Variants in DTNA observed in about 807,000 individuals in gnomAD.
DTNA encodes dystrophin-related protein 3.
DTNA carries 43 observed loss-of-function variants against 100.7 expected under a neutral mutation model. The ratio of observed to expected loss-of-function variants is 0.43; its 90% CI spans 0.33 to 0.55. The LOEUF (loss-of-function observed/expected upper bound fraction) is 0.55. DTNA is among the 20% of genes least tolerant of loss of function. The pLI is 0.04. For synonymous variants in DTNA, 349 were observed against 347.9 expected, an observed-to-expected ratio of 1.00 and a Z score of -0.04; for missense variants, 798 against 953.9, an observed-to-expected ratio of 0.84 and a Z score of 2.15.
At chr18:34,817,038 T>G (rs1223515250) in intron 7 of DTNA, among the ~76,000 whole-genome samples, 1 of 152,210 alleles carries the variant, frequency 6.6e-6, no homozygotes, top group Non-Finnish European at 1.5e-5. Context: ...CACGTTACTG[T>G]TTACAGTTCT....
At chr18:34,524,767 A>G (rs964681551) in intron 1 of DTNA, among the ~76,000 whole-genome samples, 4 of 152,108 alleles carry the variant, frequency 2.6e-5, no homozygotes, top group African/African-American at 9.7e-5. Flanking sequence ...TTTTTTAAAA[A>G]AAAGGTTTAT....
chr18:34,830,272 C>T (rs960218068), intron 11 of DTNA, among the ~76,000 whole-genome samples: 7 of 151,952 alleles, frequency 4.6e-5, no homozygotes, highest in African/African-American at 1.5e-4. Context: ...AGGGCAGCAC[C>T]GAGAAAGTAG....
Position 34,818,208 on chromosome 18 carries a change from A to T in DTNA, c.754A>T (p.Met252Leu). The T allele has an allele frequency of 6.2e-7, 1 of 1,613,990 alleles. No individual in the cohort carries two copies. The highest frequency in any genetic ancestry group is 8.5e-7 in the Non-Finnish European group (1 of 1,179,950). The change falls in exon 8 of 23, where the codon ATG becomes TTG. Residue 252 changes from methionine (M) to leucine (L), a missense_variant. Coordinates refer to ENST00000444659, the MANE Select transcript of DTNA (RefSeq NM_001386795.1). ...ECSYCHSESM[M>L]GFRYRCQQCH... is the part of the protein sequence containing the mutation. ...TTCCTACTGCCACAGTGAGAGTATGATGGGATTTCGCTACCGATGCCAACA... is the reference window on the plus strand; with the variant it reads ...TTCCTACTGCCACAGTGAGAGTATGTTGGGATTTCGCTACCGATGCCAACA...
intron 1 of DTNA, among the ~76,000 whole-genome samples, chr18:34,569,250 AG>A (rs1460992723): frequency 6.6e-6 from 1 of 152,202 alleles, no homozygotes; most frequent in African/African-American, 2.4e-5. Context: ...GGAAAGGAGG[AG>A]AGGTTGCAGA....
At chr18:34,686,005 C>A (rs2078843742) in intron 1 of DTNA, among the ~76,000 whole-genome samples, 1 of 152,150 alleles carries the variant, frequency 6.6e-6, no homozygotes, top group African/African-American at 2.4e-5. Context: ...TGACACTTTG[C>A]TGAATTTGCT....
intron 1 of DTNA, among the ~76,000 whole-genome samples, chr18:34,572,482 A>G (rs1354862241): frequency 6.6e-6 from 1 of 152,186 alleles, no homozygotes; most frequent in African/African-American, 2.4e-5. Flanking sequence ...TATTATTATC[A>G]TCTTTTTGCA....
chr18:34,766,136 T>G, intron 3 of DTNA, 95 bp downstream of exon 3: 2 of 1,320,804 alleles, frequency 1.5e-6, no homozygotes, highest in Non-Finnish European at 2.1e-6. Context: ...TTACAAATAT[T>G]GCTAATATTG....
chr18:34,496,481 T>G (rs930894910), intron 1 of DTNA, among the ~76,000 whole-genome samples: 8 of 152,228 alleles, frequency 5.3e-5, no homozygotes, highest in Non-Finnish European at 2.9e-5. Context: ...TAGAGACAGC[T>G]TGCTACTTTT....
intron 1 of DTNA, among the ~76,000 whole-genome samples, chr18:34,699,116 TCAGGGTTGTC>T (rs1443733744): frequency 6.6e-6 from 1 of 151,666 alleles, no homozygotes; most frequent in Non-Finnish European, 1.5e-5. Context: ...CTTGTATTAG[TCAGGGTTGTC>T]CAGAGAAACA....
chr18:34,832,098 T>G (rs1032592852), intron 11 of DTNA, among the ~76,000 whole-genome samples: 1 of 152,158 alleles, frequency 6.6e-6, no homozygotes, highest in African/African-American at 2.4e-5. Flanking sequence ...AAAATAAATT[T>G]TGGATACTGA....
intron 1 of DTNA, among the ~76,000 whole-genome samples, chr18:34,611,683 C>T (rs2054239192): frequency 6.6e-6 from 1 of 152,144 alleles, no homozygotes; most frequent in South Asian, 2.1e-4. Flanking sequence ...CATGTGGGCT[C>T]AGGAGTCAGG....
intron 1 of DTNA, among the ~76,000 whole-genome samples, chr18:34,728,087 G>A (rs997119197): frequency 1.9e-4 from 29 of 152,044 alleles, no homozygotes; most frequent in Admixed American, 7.2e-4. Flanking sequence ...TATTACTTTC[G>A]CAATGTTGTG....
Position 34,517,075 on chromosome 18 carries a change from A to G in DTNA, c.-2+23561A>G, listed in dbSNP as rs191051565. Among the ~76,000 whole-genome samples the G allele has an allele frequency of 8.1e-3, 1,228 of 152,228 alleles. 12 individuals carry two copies. Among genetic ancestry groups the G allele is most frequent in the Non-Finnish European group, 0.013 (893 of 68,000 alleles). On this transcript the variant is annotated intron_variant, in intron 1 of 19. Coordinates refer to the DTNA transcript ENST00000283365. Reference sequence around the variant, plus strand: ...ACTAATAAATGTCCATGAAATCTTCACAATTTATGTTCTTCTGCCATGGCT... The same window carrying G: ...ACTAATAAATGTCCATGAAATCTTCGCAATTTATGTTCTTCTGCCATGGCT...
intron 3 of DTNA, among the ~76,000 whole-genome samples, chr18:34,790,790 A>G (rs1179304237): frequency 6.6e-6 from 1 of 152,160 alleles, no homozygotes; most frequent in African/African-American, 2.4e-5. Context: ...GAATGAAAAA[A>G]GAACTGACTC....
intron 17 of DTNA, among the ~76,000 whole-genome samples, chr18:34,865,427 T>C (rs2096687218): frequency 6.6e-6 from 1 of 152,196 alleles, no homozygotes; most frequent in Non-Finnish European, 1.5e-5. Flanking sequence ...TTTCTTTTGT[T>C]TTCCTTACTC....
At position 34,882,193 on chromosome 18, in the gene DTNA, G is replaced by A. The variant is rs2096879375; in HGVS notation, c.2287G>A (p.Ala763Thr). 1.2e-6 allele frequency: 2 copies of A among 1,613,844 alleles called. No homozygotes were observed. Among genetic ancestry groups the A allele is most frequent in the Non-Finnish European group, 1.7e-6 (2 of 1,179,906 alleles). Residue 763 changes from alanine (A) to threonine (T), a missense_variant, in exon 21 of 23, where the codon GCT (alanine) becomes ACT (threonine). By Grantham distance (58) the Ala-to-Thr change is moderately conservative. Transcript: ENST00000444659. ...CCTGAAACAGAAGCTGCAAGATGAA[G>A]CTTATCAGGTACAGGGATCCAGGCC... ...EYLKQKLQDE[A>T]YQVSLQG
chr18:34,719,900 A>G (rs984154095), intron 1 of DTNA, among the ~76,000 whole-genome samples: 13 of 152,226 alleles, frequency 8.5e-5, no homozygotes, highest in African/African-American at 3.1e-4. Flanking sequence ...TGTTCTATAT[A>G]CTCATCTACA....
At chr18:34,756,153 A>G in intron 2 of DTNA, 110 bp downstream of exon 2, 1 of 1,304,944 alleles carries the variant, frequency 7.7e-7, no homozygotes, top group African/African-American at 1.5e-5. Flanking sequence ...TTAGGATCCT[A>G]AGTTCCTTTC....
rs538778320 is a variant in DTNA at position 34,766,459 on chromosome 18, C to CA, written c.148+419dup. 3.1e-4 allele frequency among the ~76,000 whole-genome samples: 44 copies of CA among 140,924 alleles called. No homozygotes were observed. In the South Asian group the frequency reaches 0.011, roughly 34 times the overall value. 92.5% of individuals were successfully genotyped at this position (140,924 alleles called of 152,430 possible). A position where few individuals can be genotyped will look rare whatever the true frequency, so the allele number is the denominator to read the frequency against. On this transcript the variant is annotated intron_variant, in intron 3 of 22. Transcript: ENST00000444659. ...AAACCAAACACCACATGTTCTCACTCATAGGTGGGAACTGAACAATGAGAA... is the reference window on the plus strand; with the variant it reads ...AAACCAAACACCACATGTTCTCACTCAATAGGTGGGAACTGAACAATGAGAA...
Sources: gnomAD v4.1 joint callset for allele counts (sites outside exome capture counted in the v4.1 genomes callset) on GRCh38, gnomAD v4.1.1 for gene constraint, MANE v1.5 for transcripts, NCBI Gene and HGNC (gene_info 2026-07-23, HGNC 2026-07-21) for gene names.